LRRFIP1: variants seen among roughly 807,000 people sequenced by gnomAD.
LRRFIP1 encodes leucine-rich repeat flightless-interacting protein 1.
In LRRFIP1, 62 loss-of-function variants were observed where a neutral mutation model predicts 104.4. The observed-to-expected ratio is 0.59, with a 90% confidence interval of 0.48 to 0.73. The LOEUF (loss-of-function observed/expected upper bound fraction) is 0.73, where lower values mean the gene tolerates loss of function less well. LRRFIP1 is among the 30% of genes least tolerant of loss of function. The probability of loss-of-function intolerance (pLI) is 0.00; values close to 1 mark genes in which losing one functional copy is unlikely to be tolerated. For missense variants in LRRFIP1, 796 were observed against 824.5 expected (o/e 0.97, Z 0.42); for synonymous variants, 300 against 299.0 (o/e 1.00, Z -0.03).
Position 237,701,112 on chromosome 2 carries a change from G to A in LRRFIP1, c.97-7432G>A, listed in dbSNP as rs544046891. 2.2e-4 allele frequency among the ~76,000 whole-genome samples: 34 copies of A among 152,338 alleles called. No homozygotes were observed. The East Asian group carries it at 6.0e-3, about 27-fold the overall frequency. On this transcript the variant is annotated intron_variant, in intron 1 of 23. Transcript: ENST00000308482. Reference sequence around the variant, plus strand: ...TCAGGAAATGTATGAGCAGTGCCAGGATCCCCTGAAGGAGTGTGGGGCTTT... The same window carrying A: ...TCAGGAAATGTATGAGCAGTGCCAGAATCCCCTGAAGGAGTGTGGGGCTTT...
rs574100665 is a variant in LRRFIP1, at chr2:237,738,876, C to G, written c.556-356C>G. 5.3e-5 allele frequency among the ~76,000 whole-genome samples: 8 copies of G among 152,332 alleles called. No homozygotes were observed. In the South Asian group the frequency reaches 1.2e-3, roughly 24 times the overall value. On this transcript the variant is annotated intron_variant, in intron 10 of 23. Transcript: ENST00000308482. ...CTGTGCAAGTCTTCAGTTTCTGTGC[C>G]GGAAGGCAGCTTAAGTTCTCAAAAC...
Position 237,774,399 on chromosome 2 carries a change from G to A in LRRFIP1, c.1749G>A (p.Ala583=), listed in dbSNP as rs767595090. The A allele has an allele frequency of 6.8e-6, 11 of 1,613,542 alleles. No homozygotes were observed. Among genetic ancestry groups the A allele is most frequent in the Admixed American group, 5.0e-5 (3 of 59,986 alleles). The part of the protein sequence containing the change: ...LESQVSRYKS[A]AENAEKIEDE... Reference sequence around the variant, plus strand: ...GTCAAGTATCACGTTACAAATCAGCGGCTGAAAATGCAGAAAAAATAGAAG... The same window carrying A: ...GTCAAGTATCACGTTACAAATCAGCAGCTGAAAATGCAGAAAAAATAGAAG... Residue 583 remains alanine, a synonymous_variant, in exon 23 of 24, where the codon GCG becomes GCA. Coordinates refer to ENST00000308482, the MANE Select transcript of LRRFIP1 (RefSeq NM_001137550.2).
chr2:237,637,239 G>A (rs13429375), intron 1 of LRRFIP1, among the ~76,000 whole-genome samples: 54 of 152,204 alleles, frequency 3.5e-4, no homozygotes, highest in Non-Finnish European at 7.1e-4. Flanking sequence ...AGACCAAGGC[G>A]GGTGGATCAC....
chr2:237,742,379 G>T (rs2057234129), intron 11 of LRRFIP1, among the ~76,000 whole-genome samples: 1 of 152,130 alleles, frequency 6.6e-6, no homozygotes, highest in South Asian at 2.1e-4. Context: ...TCTCATCCTG[G>T]GTGCCTTACA....
rs879099381 is a variant in LRRFIP1, at chr2:237,779,813, G to C, written c.*281G>C. On this transcript the variant is annotated 3_prime_UTR_variant, in exon 24 of 24. Coordinates refer to ENST00000308482, the MANE Select transcript of LRRFIP1 (RefSeq NM_001137550.2). ...GGGGCCTCGAGGGAGCTCTGTGTCT[G>C]ACCGCACAGCAGCCTCTGAATGCCG... 4 of 248,180 alleles carry C rather than the reference G, an allele frequency of 1.6e-5. No individual in the cohort carries two copies. In the South Asian group the frequency reaches 2.6e-4, roughly 16 times the overall value. The allele number at this position is 248,180 out of a possible 1,614,324, so 15.4% of individuals were successfully genotyped here. A position where few individuals can be genotyped will look rare whatever the true frequency, so the allele number is the denominator to read the frequency against.
chr2:237,635,574 C>A (rs1310940815), intron 1 of LRRFIP1, among the ~76,000 whole-genome samples: 2 of 152,194 alleles, frequency 1.3e-5, no homozygotes, highest in Admixed American at 1.3e-4. Context: ...GTAATTCCAG[C>A]AACTCAGGAG....
intron 9 of LRRFIP1, among the ~76,000 whole-genome samples, chr2:237,734,210 A>G (rs924208825): frequency 1.3e-5 from 2 of 150,884 alleles, no homozygotes; most frequent in South Asian, 2.1e-4. Context: ...AAATATAAGT[A>G]CTTATGCTAT....
chr2:237,643,536 G>T (rs141643465), intron 1 of LRRFIP1, among the ~76,000 whole-genome samples: 1 of 152,220 alleles, frequency 6.6e-6, no homozygotes, highest in South Asian at 2.1e-4. Context: ...GGTCATAACC[G>T]TTACCATTGC....
In LRRFIP1 at chr2:237,743,568, C is replaced by G. The variant is rs567239410; in HGVS notation, c.633+4259C>G. 2.0e-5 allele frequency among the ~76,000 whole-genome samples: 3 copies of G among 152,304 alleles called. No homozygotes were observed. The East Asian group carries it at 5.8e-4, about 29-fold the overall frequency. ...AGCTGTGTTTTCTTCCTCTCCAGCA[C>G]GACCAGGATCTTCTCCTTGAGGAAG... On this transcript the variant is annotated intron_variant, in intron 11 of 23. Coordinates refer to ENST00000308482, the MANE Select transcript of LRRFIP1 (RefSeq NM_001137550.2).
chr2:237,652,801 T>TCGTG (rs981247858), intron 1 of LRRFIP1, among the ~76,000 whole-genome samples: 1 of 152,226 alleles, frequency 6.6e-6, no homozygotes, highest in African/African-American at 2.4e-5. Flanking sequence ...TGAGCCATGA[T>TCGTG]CGTGCCACTG....
chr2:237,763,617 C>G, intron 19 of LRRFIP1: 3 of 1,613,756 alleles, frequency 1.9e-6, no homozygotes, highest in Non-Finnish European at 1.7e-6. Flanking sequence ...CAGAAAATTG[C>G]AGCAGAAAGC....
At chr2:237,737,748 G>A (rs1559733971) in intron 10 of LRRFIP1, among the ~76,000 whole-genome samples, 1 of 152,162 alleles carries the variant, frequency 6.6e-6, no homozygotes, top group African/African-American at 2.4e-5. Flanking sequence ...AAAAAGTGAG[G>A]CTAGTAATAC....
chr2:237,719,626 CAG>C lies in LRRFIP1; in HGVS notation c.294+60_294+61del, dbSNP rs138758451. 2.4e-3 allele frequency: 3,018 copies of C among 1,254,884 alleles called. 40 individuals carry two copies. The African/African-American group carries it at 0.036, about 15-fold the overall frequency. 77.7% of individuals were successfully genotyped at this position (1,254,884 alleles called of 1,614,324 possible). ...TTGATTGAATTCTAATTTATGCTTG[CAG>C]TGGCTGAAGTATATATAATATATTC... On this transcript the variant is annotated intron_variant, in intron 5 of 23. Transcript: ENST00000308482.
chr2:237,694,493 C>T lies in LRRFIP1; in HGVS notation c.97-14051C>T, dbSNP rs565134901. On this transcript the variant is annotated intron_variant, in intron 1 of 23. Coordinates refer to ENST00000308482, the MANE Select transcript of LRRFIP1 (RefSeq NM_001137550.2). ...TCATGGGTGGGGGGTAGGGCGTCAC[C>T]CAGCGGCTGCCCTGGGCCATGGGCT... Among the ~76,000 whole-genome samples, 6 of 152,210 alleles carry T rather than the reference C, an allele frequency of 3.9e-5. No homozygotes were observed. The South Asian group carries it at 1.2e-3, about 32-fold the overall frequency.
chr2:237,755,709 G>A (rs751742757), intron 15 of LRRFIP1, among the ~76,000 whole-genome samples: 6 of 152,178 alleles, frequency 3.9e-5, no homozygotes, highest in Admixed American at 3.9e-4. Flanking sequence ...TGGGGCAGGT[G>A]GATCGCTTGA....
intron 11 of LRRFIP1, among the ~76,000 whole-genome samples, chr2:237,741,547 G>A (rs986370878): frequency 6.6e-6 from 1 of 152,148 alleles, no homozygotes; most frequent in African/African-American, 2.4e-5. Context: ...TGTAAGTATT[G>A]CCAGGCGCGG....
At chr2:237,671,174 TC>T in intron 1 of LRRFIP1, among the ~76,000 whole-genome samples, 2 of 152,330 alleles carry the variant, frequency 1.3e-5, no homozygotes, top group East Asian at 3.9e-4. Flanking sequence ...AAGTTCCCTT[TC>T]CAAGCAGTGA....
chr2:237,699,711 C>T (rs898763789), intron 1 of LRRFIP1, among the ~76,000 whole-genome samples: 10 of 152,230 alleles, frequency 6.6e-5, no homozygotes, highest in Non-Finnish European at 1.0e-4. Flanking sequence ...CCATCGCAGG[C>T]GTGTCTGAAT....
At chr2:237,697,325 A>G (rs13399932) in intron 1 of LRRFIP1, among the ~76,000 whole-genome samples, 6,339 of 152,298 alleles carry the variant, frequency 0.042, 487 homozygotes, top group African/African-American at 0.15. Flanking sequence ...ACCCGGCCCA[A>G]TGAGCTTTAC....
Sources: allele counts gnomAD v4.1 joint callset (sites outside exome capture counted in the v4.1 genomes callset), GRCh38; gene constraint gnomAD v4.1.1; transcripts MANE v1.5; gene names NCBI Gene and HGNC (gene_info 2026-07-23, HGNC 2026-07-21).